The following HM13 variants were observed in gnomAD, a reference collection of about 807,000 sequenced individuals.
The protein encoded by HM13 is histocompatibility minor 13, also known as signal peptide peptidase.
A neutral mutation model predicts 50.0 loss-of-function variants in HM13; 18 were observed. The observed-to-expected ratio is 0.36, with a 90% confidence interval of 0.25 to 0.53. HM13 has a LOEUF of 0.53. Among genes scored for constraint, HM13 ranks in the 20% least tolerant of loss-of-function variants. HM13 has a pLI of 0.90. For missense variants in HM13, 393 were observed against 552.4 expected, an observed-to-expected ratio of 0.71 and a Z score of 2.89; for synonymous variants, 197 against 232.6, an observed-to-expected ratio of 0.85 and a Z score of 1.39.
chr20:31,517,003 C>T (rs922154325), intron 1 of HM13, among the ~76,000 whole-genome samples: 33 of 152,278 alleles, frequency 2.2e-4, no homozygotes, highest in African/African-American at 6.7e-4. Flanking sequence ...GCCTAGTCCT[C>T]ATCCAGGGCT....
chr20:31,569,450 C>T lies in HM13; in HGVS notation c.*231C>T, dbSNP rs145038898. On this transcript the variant is annotated 3_prime_UTR_variant, in exon 13 of 13. Coordinates refer to ENST00000398174, the MANE Select transcript of HM13 (RefSeq NM_178581.3). The stretch of plus-strand genomic sequence containing the variant: ...GCAAAAGAAACCCCCAGCTTCCCCC[C>T]TCCCCGGGAGCCAGGTGGGAAAAGT... The T allele has an allele frequency of 4.5e-4, 184 of 409,736 alleles. No homozygotes were observed. In the East Asian group the frequency reaches 5.3e-3, roughly 12 times the overall value. 25.4% of individuals were successfully genotyped at this position (409,736 alleles called of 1,614,324 possible). A position where few individuals can be genotyped will look rare whatever the true frequency, so the allele number is the denominator to read the frequency against.
intron 3 of HM13, 54 bp downstream of exon 3, chr20:31,538,315 A>G (rs1983235548): frequency 6.2e-7 from 1 of 1,614,038 alleles, no homozygotes; most frequent in Non-Finnish European, 8.5e-7. Flanking sequence ...GAACCAGTAC[A>G]GGGTCTTGGA....
chr20:31,526,108 G>A (rs1404380643), intron 1 of HM13, among the ~76,000 whole-genome samples: 3 of 151,970 alleles, frequency 2.0e-5, no homozygotes, highest in Non-Finnish European at 4.4e-5. Context: ...CTAGGTGACA[G>A]AGCTCATGAG....
intron 4 of HM13, among the ~76,000 whole-genome samples, chr20:31,546,634 A>C (rs1418601223): frequency 6.6e-6 from 1 of 151,606 alleles, no homozygotes; most frequent in African/African-American, 2.4e-5. Context: ...TGTACCTGTA[A>C]TCCTAGCTAC....
At chr20:31,552,351 A>G (rs981181413) in intron 7 of HM13, among the ~76,000 whole-genome samples, 2 of 152,208 alleles carry the variant, frequency 1.3e-5, no homozygotes, top group East Asian at 3.9e-4. Context: ...GGGAGTGGGC[A>G]TAGCTGAGTT....
chr20:31,556,679 A>G (rs1043096979), intron 8 of HM13, among the ~76,000 whole-genome samples: 8 of 152,320 alleles, frequency 5.3e-5, no homozygotes, highest in Non-Finnish European at 1.2e-4. Flanking sequence ...TAAGACGGTA[A>G]TCACAACAGC....
At chr20:31,539,075 C>G (rs1983286568) in intron 3 of HM13, 1 of 985,446 alleles carries the variant, frequency 1.0e-6, no homozygotes, top group Non-Finnish European at 1.2e-6. Flanking sequence ...CTTCCCACTG[C>G]TACCCTAACT....
chr20:31,546,553 C>A (rs1472758380), intron 4 of HM13, among the ~76,000 whole-genome samples: 2 of 151,738 alleles, frequency 1.3e-5, no homozygotes, highest in Non-Finnish European at 2.9e-5. Context: ...GAGTTCCAGA[C>A]CAGCCTGGCC....
intron 3 of HM13, among the ~76,000 whole-genome samples, chr20:31,542,739 G>A (rs539172911): frequency 7.2e-5 from 11 of 152,254 alleles, no homozygotes; most frequent in Admixed American, 7.2e-4. Flanking sequence ...CTAGAGACTT[G>A]CTACTTGAAG....
chr20:31,523,054 C>CT (rs1180366650), intron 1 of HM13, among the ~76,000 whole-genome samples: 136 of 106,942 alleles, frequency 1.3e-3, no homozygotes, highest in African/African-American at 2.1e-3. Context: ...GGGAGGGGGG[C>CT]TTTTTTTTTT....
intron 10 of HM13, among the ~76,000 whole-genome samples, chr20:31,564,893 C>T (rs1184729431): frequency 6.6e-6 from 1 of 150,862 alleles, no homozygotes; most frequent in South Asian, 2.1e-4. Flanking sequence ...CGGCCAGGCG[C>T]GGTGTCTCAC....
intron 4 of HM13, among the ~76,000 whole-genome samples, chr20:31,545,822 G>C (rs1983681566): frequency 6.6e-6 from 1 of 152,160 alleles, no homozygotes; most frequent in Non-Finnish European, 1.5e-5. Flanking sequence ...AGCCAACTGA[G>C]TAATTGAGAT....
At chr20:31,527,458 G>A in intron 1 of HM13, 26 bp from the exon 2 acceptor site, 1 of 1,538,174 alleles carries the variant, frequency 6.5e-7, no homozygotes. Flanking sequence ...GCCGTGCTGA[G>A]CCATTGTCAT....
At chr20:31,549,543 G>A (rs1020331327) in intron 6 of HM13, among the ~76,000 whole-genome samples, 32 of 152,118 alleles carry the variant, frequency 2.1e-4, no homozygotes, top group Middle Eastern at 3.4e-3. Flanking sequence ...ACTCATGCCC[G>A]GTGCCTTCCG....
chr20:31,543,329 A>C (rs1361320048), intron 3 of HM13, among the ~76,000 whole-genome samples: 2 of 152,192 alleles, frequency 1.3e-5, no homozygotes, highest in Non-Finnish European at 2.9e-5. Flanking sequence ...TGTGTCGCCC[A>C]GGCTGGAGTG....
intron 12 of HM13, 180 bp downstream of exon 12, chr20:31,568,404 A>G (rs1985056185): frequency 1.2e-6 from 1 of 869,020 alleles, no homozygotes; most frequent in African/African-American, 1.7e-5. Flanking sequence ...GGGAAGCAGG[A>G]CAACCCCGAA....
At chr20:31,567,416 G>A (rs1195776965) in intron 11 of HM13, among the ~76,000 whole-genome samples, 2 of 152,056 alleles carry the variant, frequency 1.3e-5, no homozygotes, top group Non-Finnish European at 2.9e-5. Flanking sequence ...CCTGCTTGGT[G>A]CTAAATGCTC....
chr20:31,517,186 T>C (rs1054027494), intron 1 of HM13, among the ~76,000 whole-genome samples: 2 of 151,818 alleles, frequency 1.3e-5, no homozygotes, highest in African/African-American at 4.8e-5. Flanking sequence ...CCAAAACCAG[T>C]TGGGAGAGAG....
chr20:31,533,202 A>G (rs538253844), intron 2 of HM13, among the ~76,000 whole-genome samples: 83 of 152,324 alleles, frequency 5.4e-4, no homozygotes, highest in African/African-American at 1.8e-3. Context: ...AACTGCATTG[A>G]ACATTTTTAA....
Sources: allele counts gnomAD v4.1 joint callset (sites outside exome capture counted in the v4.1 genomes callset), GRCh38; gene constraint gnomAD v4.1.1; transcripts MANE v1.5; gene names NCBI Gene and HGNC (gene_info 2026-07-23, HGNC 2026-07-21).